Variants in SMAD6 observed in about 807,000 individuals in gnomAD.
SMAD6 encodes the protein MAD homolog 6.
In SMAD6, 103 loss-of-function variants were observed where a neutral mutation model predicts 39.4. The ratio of observed to expected loss-of-function variants is 2.62; its 90% confidence interval spans 2.23 to 3.08. The LOEUF is 3.08. SMAD6 is among the 30% of genes most tolerant of loss of function. SMAD6 has a pLI of 0.00. For missense variants in SMAD6, 1,104 were observed against 742.9 expected (o/e 1.49, Z -5.65); for synonymous variants, 445 against 353.3 (o/e 1.26, Z -2.91).
At chr15:66,737,189 C>G (rs1464766121) in intron 3 of SMAD6, among the ~76,000 whole-genome samples, 1 of 152,242 alleles carries the variant, frequency 6.6e-6, no homozygotes, top group Non-Finnish European at 1.5e-5. Context: ...GCCTGGCACA[C>G]AGGCTCTGCC....
In SMAD6 at chr15:66,781,259, C is replaced by G. The variant is rs899021608; in HGVS notation, c.1215C>G (p.Arg405=). 2.5e-6 allele frequency: 4 copies of G among 1,608,002 alleles called. No individual in the cohort carries two copies. The highest frequency in any genetic ancestry group is 1.7e-5 in the Admixed American group (1 of 59,940). The change falls in exon 4 of 4, where the codon CGC becomes CGG. Residue 405 remains arginine (R), a synonymous_variant. Transcript: ENST00000288840. ...KEPDGVWAYN[R]GEHPIFVNSP... The stretch of plus-strand genomic sequence containing the variant: ...CCGACGGCGTGTGGGCCTACAACCG[C>G]GGCGAGCACCCCATCTTCGTCAACT...
intron 3 of SMAD6, among the ~76,000 whole-genome samples, chr15:66,749,488 G>A (rs962624241): frequency 2.0e-5 from 3 of 152,090 alleles, no homozygotes; most frequent in Non-Finnish European, 4.4e-5. Context: ...AAATTAGGCA[G>A]GCGTCGTGGC....
chr15:66,770,751 C>G (rs898580825), intron 3 of SMAD6, among the ~76,000 whole-genome samples: 1 of 152,238 alleles, frequency 6.6e-6, no homozygotes, highest in African/African-American at 2.4e-5. Context: ...CTCCTTCCCT[C>G]TAGGACACAG....
chr15:66,747,374 G>A lies in SMAD6; in HGVS notation c.952+30876G>A, dbSNP rs955328236. Among the ~76,000 whole-genome samples the A allele has an allele frequency of 1.9e-4, 29 of 152,256 alleles. No homozygotes were observed. The highest frequency in any genetic ancestry group is 1.3e-4 in the Non-Finnish European group (9 of 68,044). On this transcript the variant is annotated intron_variant, in intron 3 of 3. Transcript: ENST00000288840. The surrounding 1 kb of genome is among the most constrained non-coding windows in gnomAD (Gnocchi z 4.5). ...CCTGGCTTTGATTTGGACTGCCTCC[G>A]TCAGCAGGAGGCTCTGGCCAGACTC... is the stretch of plus-strand genomic sequence containing the variant.
At chr15:66,717,475 T>G (rs929452976) in intron 3 of SMAD6, 3 of 452,224 alleles carry the variant, frequency 6.6e-6, no homozygotes, top group Non-Finnish European at 1.3e-5. Flanking sequence ...TCTTCATCAC[T>G]GTTTTGTCCC....
intron 3 of SMAD6, among the ~76,000 whole-genome samples, chr15:66,764,956 G>C (rs1894264046): frequency 6.6e-6 from 1 of 152,048 alleles, no homozygotes; most frequent in African/African-American, 2.4e-5. Flanking sequence ...CCGCCATAGG[G>C]CTCCATTTCA....
chr15:66,712,898 T>C (rs1183945638), intron 2 of SMAD6, among the ~76,000 whole-genome samples: 4 of 151,924 alleles, frequency 2.6e-5, no homozygotes, highest in African/African-American at 9.7e-5. Flanking sequence ...TCCTAGCTAC[T>C]TAGGAGGCTG....
chr15:66,717,323 C>T (rs1893349052), intron 3 of SMAD6: 1 of 459,916 alleles, frequency 2.2e-6, no homozygotes, highest in Non-Finnish European at 4.3e-6. Context: ...ACATTCTTCC[C>T]TCACCCCACA....
intron 3 of SMAD6, among the ~76,000 whole-genome samples, chr15:66,739,306 A>G (rs995899368): frequency 2.0e-5 from 3 of 151,912 alleles, no homozygotes; most frequent in Admixed American, 6.6e-5. Context: ...GGCCAGGCTG[A>G]TCTAGAACTC....
chr15:66,770,750 T>C (rs1894366068), intron 3 of SMAD6, among the ~76,000 whole-genome samples: 1 of 152,166 alleles, frequency 6.6e-6, no homozygotes, highest in South Asian at 2.1e-4. Flanking sequence ...CCTCCTTCCC[T>C]CTAGGACACA....
At chr15:66,716,241 G>T (rs1893326491) in intron 2 of SMAD6, among the ~76,000 whole-genome samples, 180 bp from the exon 3 acceptor site, 1 of 152,188 alleles carries the variant, frequency 6.6e-6, no homozygotes, top group South Asian at 2.1e-4. Context: ...TGGCTGGTCT[G>T]GTCTGGGGTG....
At chr15:66,710,267 C>T (rs1368333817) in intron 1 of SMAD6, among the ~76,000 whole-genome samples, 1 of 152,126 alleles carries the variant, frequency 6.6e-6, no homozygotes, top group African/African-American at 2.4e-5. Flanking sequence ...TACCTGAGGT[C>T]TAAAATAGTA....
intron 3 of SMAD6, among the ~76,000 whole-genome samples, chr15:66,716,706 C>G (rs1042810358): frequency 1.3e-5 from 2 of 152,178 alleles, no homozygotes; most frequent in African/African-American, 4.8e-5. Context: ...CTGAAGATAA[C>G]TTTTAAAGCA....
chr15:66,730,898 C>T (rs1309767116), intron 3 of SMAD6, among the ~76,000 whole-genome samples: 1 of 152,194 alleles, frequency 6.6e-6, no homozygotes, highest in African/African-American at 2.4e-5. Context: ...AGCTTGTGTC[C>T]TTGGATGAGT....
intron 3 of SMAD6, among the ~76,000 whole-genome samples, chr15:66,775,025 G>A (rs984473623): frequency 1.7e-4 from 26 of 151,896 alleles, no homozygotes; most frequent in African/African-American, 6.3e-4. Flanking sequence ...ACACCCGGGT[G>A]ATTTTTTTGT....
chr15:66,754,190 C>G (rs542352376), intron 3 of SMAD6, among the ~76,000 whole-genome samples: 4 of 152,224 alleles, frequency 2.6e-5, no homozygotes, highest in African/African-American at 4.8e-5. Context: ...CTGCCACTCT[C>G]AGTAAGTGGG....
Position 66,781,067 on chromosome 15 carries a change from G to A in SMAD6, c.1023G>A (p.Thr341=), listed in dbSNP as rs754139004. The change falls in exon 4 of 4, where the codon ACG becomes ACA. Residue 341 remains threonine, a synonymous_variant. Coordinates refer to ENST00000288840, the MANE Select transcript of SMAD6 (RefSeq NM_005585.5). ...GCGTGGCGTACTGGGAGCACCGGACGCGCGTGGGCCGCCTCTATGCGGTGT... is the reference window on the plus strand; with the variant it reads ...GCGTGGCGTACTGGGAGCACCGGACACGCGTGGGCCGCCTCTATGCGGTGT... ...WCSVAYWEHR[T]RVGRLYAVYD... The A allele has an allele frequency of 1.9e-6, 3 of 1,604,638 alleles. No homozygotes were observed. Among genetic ancestry groups the A allele is most frequent in the African/African-American group, 1.3e-5 (1 of 74,964 alleles).
At chr15:66,722,461 C>G (rs1893450770) in intron 3 of SMAD6, among the ~76,000 whole-genome samples, 2 of 152,240 alleles carry the variant, frequency 1.3e-5, no homozygotes, top group Admixed American at 1.3e-4. Flanking sequence ...AGGTGGCCCT[C>G]AGGCATGACC....
intron 3 of SMAD6, among the ~76,000 whole-genome samples, chr15:66,729,698 T>A (rs1295873844): frequency 6.6e-6 from 1 of 152,184 alleles, no homozygotes; most frequent in Non-Finnish European, 1.5e-5. Context: ...GCCCGCCCCC[T>A]CCCTTTCTTG....
Sources: allele counts gnomAD v4.1 joint callset (sites outside exome capture counted in the v4.1 genomes callset), GRCh38; gene constraint gnomAD v4.1.1; non-coding constraint Gnocchi (gnomAD v3.1); transcripts MANE v1.5; gene names NCBI Gene and HGNC (gene_info 2026-07-23, HGNC 2026-07-21).